The following NRXN3 variants were observed in gnomAD, a reference collection of about 807,000 sequenced individuals.
NRXN3 encodes the protein neurexin 3.
In NRXN3, 32 loss-of-function variants were observed where a neutral mutation model predicts 137.6. The observed-to-expected ratio is 0.23, with a 90% confidence interval of 0.18 to 0.31. The LOEUF is 0.31. Among genes scored for constraint, NRXN3 ranks in the 10% least tolerant of loss-of-function variants. NRXN3 has a pLI of 1.00. For missense variants in NRXN3, 1,574 were observed against 2,062.5 expected (o/e 0.76, Z 4.59); for synonymous variants, 798 against 784.5 (o/e 1.02, Z -0.29).
chr14:79,754,850 A>G (rs1372516201), intron 19 of NRXN3, among the ~76,000 whole-genome samples: 1 of 151,824 alleles, frequency 6.6e-6, no homozygotes, highest in Non-Finnish European at 1.5e-5. Context: ...GTGAGTTCTC[A>G]CAAGATCTGA....
chr14:78,871,487 G>A (rs1242416303), intron 10 of NRXN3, among the ~76,000 whole-genome samples: 3 of 152,006 alleles, frequency 2.0e-5, no homozygotes, highest in South Asian at 4.1e-4. Flanking sequence ...AATCCCCTTT[G>A]GGTTAATATA....
intron 10 of NRXN3, among the ~76,000 whole-genome samples, chr14:78,861,883 A>G (rs1478911210): frequency 1.3e-5 from 2 of 152,142 alleles, no homozygotes; most frequent in Non-Finnish European, 2.9e-5. Flanking sequence ...TCTAGGTGAC[A>G]TAGTTGCTTC....
intron 15 of NRXN3, among the ~76,000 whole-genome samples, chr14:79,031,356 G>A (rs2099607945): frequency 6.6e-6 from 1 of 152,034 alleles, no homozygotes; most frequent in Non-Finnish European, 1.5e-5. Context: ...AAATGAATAG[G>A]TAACACATTA....
At chr14:78,947,205 G>T (rs1050217517) in intron 10 of NRXN3, among the ~76,000 whole-genome samples, 13 of 152,142 alleles carry the variant, frequency 8.5e-5, no homozygotes, top group African/African-American at 2.9e-4. Flanking sequence ...GTCCACAGTG[G>T]GTGATCAGCT....
chr14:79,690,426 A>G (rs931020443), intron 17 of NRXN3, among the ~76,000 whole-genome samples: 2 of 151,916 alleles, frequency 1.3e-5, no homozygotes, highest in Admixed American at 1.3e-4. Context: ...ATTTTTTTCT[A>G]TGAGAAATGA....
intron 14 of NRXN3, among the ~76,000 whole-genome samples, chr14:78,983,687 T>A (rs2099495368): frequency 6.6e-6 from 1 of 151,468 alleles, no homozygotes; most frequent in Admixed American, 6.6e-5. Flanking sequence ...TGAAACCCTA[T>A]CTCTACTAAA....
chr14:78,237,845 C>G (rs1376375106), intron 1 of NRXN3, among the ~76,000 whole-genome samples: 1 of 152,176 alleles, frequency 6.6e-6, no homozygotes, highest in Non-Finnish European at 1.5e-5. Flanking sequence ...ATTTTCCAGT[C>G]CTGGTGAGGG....
At chr14:78,945,213 C>T (rs988590394) in intron 10 of NRXN3, among the ~76,000 whole-genome samples, 1 of 152,098 alleles carries the variant, frequency 6.6e-6, no homozygotes, top group African/African-American at 2.4e-5. Context: ...AAAGATAAAA[C>T]TATTAAGGGT....
At chr14:79,315,889 C>G (rs1303696653) in intron 15 of NRXN3, among the ~76,000 whole-genome samples, 1 of 152,096 alleles carries the variant, frequency 6.6e-6, no homozygotes, top group Non-Finnish European at 1.5e-5. Flanking sequence ...CAATTATTTG[C>G]TACTGGAAAG....
intron 4 of NRXN3, among the ~76,000 whole-genome samples, chr14:78,572,557 G>C (rs545400711): frequency 2.6e-5 from 4 of 152,176 alleles, no homozygotes; most frequent in Non-Finnish European, 5.9e-5. Context: ...AGTTTCAGGG[G>C]TGTCCAATCT....
At chr14:79,759,076 T>C (rs1194785595) in intron 19 of NRXN3, among the ~76,000 whole-genome samples, 1 of 152,168 alleles carries the variant, frequency 6.6e-6, no homozygotes, top group African/African-American at 2.4e-5. Context: ...GGTGATACCA[T>C]GTAATAAGAT....
At chr14:79,751,072 A>T (rs1049254728) in intron 19 of NRXN3, among the ~76,000 whole-genome samples, 1 of 152,014 alleles carries the variant, frequency 6.6e-6, no homozygotes, top group Non-Finnish European at 1.5e-5. Context: ...TTGGTTCCAT[A>T]TGAACTTTAA....
At chr14:78,855,298 A>G (rs559105811) in intron 10 of NRXN3, among the ~76,000 whole-genome samples, 1 of 152,324 alleles carries the variant, frequency 6.6e-6, no homozygotes, top group East Asian at 1.9e-4. Context: ...ACAAATGTTT[A>G]TGACATTATT....
At chr14:79,633,885 ACT>A (rs764457489) in intron 16 of NRXN3, among the ~76,000 whole-genome samples, 3 of 151,584 alleles carry the variant, frequency 2.0e-5, no homozygotes, top group South Asian at 2.1e-4. Context: ...GGCTACCAAA[ACT>A]CTAAGCATTC....
intron 4 of NRXN3, among the ~76,000 whole-genome samples, chr14:78,336,196 G>A (rs775279386): frequency 2.6e-5 from 4 of 152,166 alleles, no homozygotes; most frequent in African/African-American, 7.2e-5. Flanking sequence ...TAGAGACCAC[G>A]CTTTAAAGAA....
In NRXN3 at chr14:79,530,950, G is replaced by A. The variant is rs539931480; in HGVS notation, c.3444+63548G>A. 3.9e-5 allele frequency among the ~76,000 whole-genome samples: 6 copies of A among 152,180 alleles called. No homozygotes were observed. The East Asian group carries it at 5.8e-4, about 15-fold the overall frequency. ...CCTTAGAATTTATTGTTTATCTCAC[G>A]GAAACATGAAGAAATGTCTTCATTA... On this transcript the variant is annotated intron_variant, in intron 16 of 20. Transcript: ENST00000335750.
chr14:79,648,808 T>G (rs2098462941), intron 16 of NRXN3, among the ~76,000 whole-genome samples: 1 of 152,142 alleles, frequency 6.6e-6, no homozygotes, highest in Non-Finnish European at 1.5e-5. Flanking sequence ...GATCTGGTAG[T>G]TTGGTGAGCA....
At chr14:79,416,318 C>G (rs555206336) in intron 15 of NRXN3, among the ~76,000 whole-genome samples, 1 of 152,236 alleles carries the variant, frequency 6.6e-6, no homozygotes, top group Admixed American at 6.5e-5. Context: ...TAACTATGCA[C>G]AAACTGAGAA....
chr14:78,179,795 A>G (rs1289794766), intron 1 of NRXN3, among the ~76,000 whole-genome samples: 2 of 142,868 alleles, frequency 1.4e-5, no homozygotes, highest in Non-Finnish European at 3.0e-5. Flanking sequence ...AGCATGTGAC[A>G]TATATTTGTT....
Sources: allele counts gnomAD v4.1 joint callset (sites outside exome capture counted in the v4.1 genomes callset), GRCh38; gene constraint gnomAD v4.1.1; transcripts MANE v1.5; gene names NCBI Gene and HGNC (gene_info 2026-07-23, HGNC 2026-07-21).